The following LOXHD1 variants were observed in gnomAD, a reference collection of about 807,000 sequenced individuals.
LOXHD1 encodes lipoxygenase homology domain-containing protein 1.
A neutral mutation model predicts 248.2 loss-of-function variants in LOXHD1; 205 were observed. That is an observed-to-expected ratio of 0.83 (90% CI 0.74 to 0.93). The LOEUF is 0.93. Ranked by LOEUF, LOXHD1 falls within the 40% of genes least tolerant of loss-of-function variation. The pLI is 0.00. For missense variants in LOXHD1, 2,930 were observed against 2,971.6 expected, an observed-to-expected ratio of 0.99 and a Z score of 0.33; for synonymous variants, 1,113 against 1,162.8, an observed-to-expected ratio of 0.96 and a Z score of 0.87.
intron 4 of LOXHD1, among the ~76,000 whole-genome samples, chr18:46,634,060 T>C (rs1032771433): frequency 3.3e-5 from 5 of 152,214 alleles, no homozygotes; most frequent in African/African-American, 1.2e-4. Flanking sequence ...TTACATATAA[T>C]ACCCAGCAAA....
At position 46,646,531 on chromosome 18, in the gene LOXHD1, T is replaced by C. The variant is rs1408975235; in HGVS notation, c.245+2624A>G. Among the ~76,000 whole-genome samples, 7 of 152,180 alleles carry C rather than the reference T, an allele frequency of 4.6e-5. 1 individual carries two copies. Among genetic ancestry groups the C allele is most frequent in the African/African-American group, 9.7e-5 (4 of 41,444 alleles). ...ACTGTGCTCAGATGATCTCTGTTGA[T>C]ACGGTAAGTTGAAACTCCACCGGTC... On this transcript the variant is annotated intron_variant, in intron 2 of 40. Transcript: ENST00000642948.
chr18:46,500,830 CAT>C (rs1302324924), intron 37 of LOXHD1, among the ~76,000 whole-genome samples: 2 of 152,168 alleles, frequency 1.3e-5, no homozygotes, highest in African/African-American at 2.4e-5. Context: ...CTCTACCTCA[CAT>C]GTGTTCCTTC....
At chr18:46,560,647 A>G (rs930626213) in intron 18 of LOXHD1, 102 bp from the exon 19 acceptor site, 5 of 1,114,804 alleles carry the variant, frequency 4.5e-6, no homozygotes. Context: ...CCTGTTTGCT[A>G]AGCTGCAGGA....
Position 46,504,251 on chromosome 18 carries a change from A to G in LOXHD1, c.5878+1587T>C, listed in dbSNP as rs568169743. ...CTCCTCAGTAGCTGGGACTACAGGCATAAGCCACCACACTTGGCTAATGTT... is the reference window on the plus strand; with the variant it reads ...CTCCTCAGTAGCTGGGACTACAGGCGTAAGCCACCACACTTGGCTAATGTT... On this transcript the variant is annotated intron_variant, in intron 37 of 40. Coordinates refer to ENST00000642948, the MANE Select transcript of LOXHD1 (RefSeq NM_001384474.1). 5.3e-5 allele frequency among the ~76,000 whole-genome samples: 8 copies of G among 152,208 alleles called. No homozygotes were observed. The South Asian group carries it at 1.5e-3, about 28-fold the overall frequency.
intron 27 of LOXHD1, among the ~76,000 whole-genome samples, chr18:46,534,071 G>T (rs2036199387): frequency 6.6e-6 from 1 of 152,090 alleles, no homozygotes; most frequent in Non-Finnish European, 1.5e-5. Flanking sequence ...GGGCACTCTG[G>T]TCAATCACTA....
In LOXHD1 at chr18:46,560,501, CCCGAG is replaced by C; in HGVS notation, c.2638_2642del (p.Leu880AlafsTer107). The C allele has an allele frequency of 1.3e-6, 2 of 1,537,454 alleles. No individual in the cohort carries two copies. The highest frequency in any genetic ancestry group is 1.7e-6 in the Non-Finnish European group (2 of 1,146,516). On this transcript the variant is annotated frameshift_variant, in exon 19 of 41. Coordinates refer to ENST00000642948, the MANE Select transcript of LOXHD1 (RefSeq NM_001384474.1). LOFTEE classifies it high-confidence loss of function. ...TGGGCCCAAAGCCCTCGCCCGTGTG[CCCGAG>C]CCGGAGCTTATAGACCTCGCCCACG...
At chr18:46,541,670 G>C in intron 25 of LOXHD1, 106 bp downstream of exon 25, 1 of 1,313,600 alleles carries the variant, frequency 7.6e-7, no homozygotes, top group Non-Finnish European at 1.1e-6. Context: ...AATCTTCAAG[G>C]TGGGCCTGGC....
chr18:46,527,423 A>C (rs920752472), intron 29 of LOXHD1, among the ~76,000 whole-genome samples: 1 of 152,258 alleles, frequency 6.6e-6, no homozygotes, highest in Non-Finnish European at 1.5e-5. Context: ...TGCCTGCCAG[A>C]CATGGTTCTA....
At chr18:46,632,113 G>A (rs545147239) in intron 4 of LOXHD1, among the ~76,000 whole-genome samples, 1 of 152,330 alleles carries the variant, frequency 6.6e-6, no homozygotes, top group African/African-American at 2.4e-5. Flanking sequence ...CCTGTGCAAC[G>A]TGGGGATAAT....
Position 46,620,142 on chromosome 18 carries a change from T to C in LOXHD1, c.512-1852A>G, listed in dbSNP as rs1391949231. 4.6e-5 allele frequency among the ~76,000 whole-genome samples: 7 copies of C among 152,322 alleles called. No individual in the cohort carries two copies. In the East Asian group the frequency reaches 1.4e-3, roughly 29 times the overall value. ...GTAAGGACCAGGGAGGCCTCAGCCG[T>C]GGCTAGCTAATTCTGCTTTTACCAT... On this transcript the variant is annotated intron_variant, in intron 4 of 40. Transcript: ENST00000642948.
chr18:46,523,318 C>G (rs908950753), intron 31 of LOXHD1, among the ~76,000 whole-genome samples: 6 of 152,086 alleles, frequency 3.9e-5, no homozygotes, highest in Admixed American at 3.9e-4. Context: ...TCCATTCATT[C>G]TGCTTGGAAT....
At chr18:46,550,710 G>C (rs567685818) in intron 21 of LOXHD1, among the ~76,000 whole-genome samples, 1 of 152,080 alleles carries the variant, frequency 6.6e-6, no homozygotes, top group East Asian at 1.9e-4. Context: ...AACATGCTGA[G>C]CAAAGTCCCC....
Position 46,641,964 on chromosome 18 carries a change from A to G in LOXHD1, c.318T>C (p.Tyr106=), listed in dbSNP as rs1428410970. ...AGGCGCCAGCTTCTCACCTGACTTTATAGATGAGGCCCACATTGTTGGTTC... is the reference window on the plus strand; with the variant it reads ...AGGCGCCAGCTTCTCACCTGACTTTGTAGATGAGGCCCACATTGTTGGTTC... ...RVRTNNVGLI[Y]KVRIEHDNTG... The change falls in exon 3 of 41, where the codon TAT becomes TAC. Residue 106 remains tyrosine (Y), a synonymous_variant. Coordinates refer to ENST00000642948, the MANE Select transcript of LOXHD1 (RefSeq NM_001384474.1). 1 of 1,552,050 alleles carries G rather than the reference A, an allele frequency of 6.4e-7. No individual in the cohort carries two copies. The highest frequency in any genetic ancestry group is 8.7e-7 in the Non-Finnish European group (1 of 1,146,942).
chr18:46,619,000 G>A (rs1568219540), intron 4 of LOXHD1, among the ~76,000 whole-genome samples: 1 of 152,102 alleles, frequency 6.6e-6, no homozygotes, highest in Non-Finnish European at 1.5e-5. Context: ...CTTGATGGGA[G>A]ACGAAGCTTG....
At position 46,642,049 on chromosome 18, in the gene LOXHD1, C is replaced by T. The variant is rs1426867347; in HGVS notation, c.246-13G>A. ...GGCAGACTTGCTCCTGCAATGAACA[C>T]GTGCAGTTAGTGCAGATCAGCTGTT... On this transcript the variant is annotated splice_polypyrimidine_tract_variant and intron_variant, in intron 2 of 40. Coordinates refer to ENST00000642948, the MANE Select transcript of LOXHD1 (RefSeq NM_001384474.1). 1.7e-5 allele frequency: 26 copies of T among 1,551,772 alleles called. No homozygotes were observed. The highest frequency in any genetic ancestry group is 2.1e-5 in the Non-Finnish European group (24 of 1,146,822).
intron 31 of LOXHD1, 70 bp from the exon 32 acceptor site, chr18:46,522,379 G>T: frequency 7.5e-7 from 1 of 1,330,964 alleles, no homozygotes; most frequent in Non-Finnish European, 1.0e-6. Flanking sequence ...TAGACTCACA[G>T]ATTTGGAAGT....
intron 5 of LOXHD1, among the ~76,000 whole-genome samples, chr18:46,611,252 G>C (rs972056887): frequency 6.6e-6 from 1 of 152,196 alleles, no homozygotes; most frequent in African/African-American, 2.4e-5. Flanking sequence ...TGGAACAATA[G>C]CCACAGCAGT....
intron 12 of LOXHD1, among the ~76,000 whole-genome samples, chr18:46,588,792 G>A (rs2038110348): frequency 6.6e-6 from 1 of 152,164 alleles, no homozygotes; most frequent in Non-Finnish European, 1.5e-5. Flanking sequence ...AGGTCTGATT[G>A]TAGGTTTGTC....
chr18:46,647,187 T>C (rs943633558), intron 2 of LOXHD1, among the ~76,000 whole-genome samples: 5 of 152,146 alleles, frequency 3.3e-5, no homozygotes, highest in Admixed American at 1.3e-4. Flanking sequence ...GGCTGCCCCA[T>C]GGGATCTCAG....
Sources: gnomAD v4.1 joint callset for allele counts (sites outside exome capture counted in the v4.1 genomes callset) on GRCh38, gnomAD v4.1.1 for gene constraint, MANE v1.5 for transcripts, NCBI Gene and HGNC (gene_info 2026-07-23, HGNC 2026-07-21) for gene names.